The following SGCZ variants were observed in gnomAD, a reference collection of about 807,000 sequenced individuals.
SGCZ encodes zeta-sarcoglycan.
SGCZ carries 40 observed loss-of-function variants against 41.3 expected under a neutral mutation model. The observed-to-expected ratio is 0.97, with a 90% confidence interval of 0.75 to 1.26. SGCZ has a LOEUF of 1.26. Among genes scored for constraint, SGCZ ranks in the 50% most tolerant of loss-of-function variants. The probability of loss-of-function intolerance (pLI) is 0.00; values close to 1 mark genes in which losing one functional copy is unlikely to be tolerated. For missense variants in SGCZ, 552 were observed against 369.8 expected (o/e 1.49, Z -4.04); for synonymous variants, 206 against 137.5 (o/e 1.50, Z -3.49).
At chr8:14,706,322 TTTGACAA>T (rs59805025) in intron 1 of SGCZ, among the ~76,000 whole-genome samples, 5,944 of 152,176 alleles carry the variant, frequency 0.039, 401 homozygotes, top group African/African-American at 0.13. Flanking sequence ...TGGGATTCTT[TTTGACAA>T]TTGTGTTTTA....
At chr8:14,930,328 A>G (rs966769598) in intron 1 of SGCZ, among the ~76,000 whole-genome samples, 2 of 152,188 alleles carry the variant, frequency 1.3e-5, no homozygotes, top group Middle Eastern at 3.4e-3. Flanking sequence ...TTAAAAAGTC[A>G]GGAAACAACA....
At chr8:14,608,780 A>T (rs936100677) in intron 1 of SGCZ, among the ~76,000 whole-genome samples, 4 of 152,126 alleles carry the variant, frequency 2.6e-5, no homozygotes, top group African/African-American at 9.7e-5. Flanking sequence ...ATCACATTTC[A>T]ACGTGAGATT....
intron 2 of SGCZ, among the ~76,000 whole-genome samples, chr8:14,374,070 T>G (rs1216487593): frequency 6.6e-6 from 1 of 152,100 alleles, no homozygotes; most frequent in Non-Finnish European, 1.5e-5. Flanking sequence ...TAGTTTAAAG[T>G]TCTCAAGTAA....
At chr8:15,211,504 C>G (rs893581453) in intron 1 of SGCZ, among the ~76,000 whole-genome samples, 4 of 152,096 alleles carry the variant, frequency 2.6e-5, no homozygotes, top group Non-Finnish European at 4.4e-5. Context: ...TGCTAAAGAC[C>G]TGCCTCCAAT....
intron 1 of SGCZ, among the ~76,000 whole-genome samples, chr8:15,155,895 T>TA: frequency 6.6e-6 from 1 of 151,820 alleles, no homozygotes; most frequent in East Asian, 2.0e-4. Context: ...CTGTCTCTAC[T>TA]AAAATACAAA....
intron 1 of SGCZ, among the ~76,000 whole-genome samples, chr8:15,008,442 A>G (rs1802686245): frequency 6.6e-6 from 1 of 150,880 alleles, no homozygotes. Flanking sequence ...AAGACCTTCA[A>G]ATTTTACTTT....
At chr8:14,223,809 T>C (rs1806283743) in intron 4 of SGCZ, among the ~76,000 whole-genome samples, 1 of 152,168 alleles carries the variant, frequency 6.6e-6, no homozygotes, top group African/African-American at 2.4e-5. Context: ...TAAAGTAGGG[T>C]AACTCTGAAT....
At chr8:15,054,455 C>A (rs976648190) in intron 1 of SGCZ, among the ~76,000 whole-genome samples, 3 of 151,216 alleles carry the variant, frequency 2.0e-5, no homozygotes, top group Non-Finnish European at 4.4e-5. Context: ...GAATTACTAA[C>A]CCCTGGAGTG....
Position 14,760,214 on chromosome 8 carries a change from C to G in SGCZ, c.40-205288G>C, listed in dbSNP as rs549957973. ...GATTCTTTCTAGTTTTACCAAATAG[C>G]CAAAGCCCAATGAAAACAAGGTAAT... On this transcript the variant is annotated intron_variant, in intron 1 of 7. Transcript: ENST00000382080. Among the ~76,000 whole-genome samples, 30 of 152,240 alleles carry G rather than the reference C, an allele frequency of 2.0e-4. No individual in the cohort carries two copies. In the South Asian group the frequency reaches 6.2e-3, roughly 32 times the overall value.
chr8:14,993,890 C>T (rs182846995), intron 1 of SGCZ, among the ~76,000 whole-genome samples: 121 of 152,270 alleles, frequency 7.9e-4, no homozygotes, highest in African/African-American at 2.7e-3. Context: ...AATAAAGCGT[C>T]ATATGACTTT....
intron 1 of SGCZ, among the ~76,000 whole-genome samples, chr8:14,847,736 C>T (rs1319021689): frequency 3.8e-4 from 25 of 65,530 alleles, no homozygotes; most frequent in African/African-American, 1.2e-3. Context: ...GGGAGGGAGG[C>T]GGGAGAGAGG....
chr8:14,408,966 T>TGTGCGCGTGTGC (rs1554513906), intron 2 of SGCZ, among the ~76,000 whole-genome samples: 31 of 136,820 alleles, frequency 2.3e-4, no homozygotes, highest in Non-Finnish European at 3.3e-4. Context: ...TGTGTGTGTG[T>TGTGCGCGTGTGC]GTGTGCATGT....
At chr8:14,180,331 C>G (rs1462771481) in intron 4 of SGCZ, among the ~76,000 whole-genome samples, 1 of 152,136 alleles carries the variant, frequency 6.6e-6, no homozygotes, top group Admixed American at 6.5e-5. Context: ...CCTTCAAGCA[C>G]TGCAGGAAGT....
chr8:14,275,640 C>T (rs1325605053), intron 3 of SGCZ, among the ~76,000 whole-genome samples: 1 of 152,160 alleles, frequency 6.6e-6, no homozygotes, highest in Non-Finnish European at 1.5e-5. Context: ...AGCACTGCAC[C>T]AGCTTACGGA....
chr8:14,435,515 T>G (rs915029515), intron 2 of SGCZ, among the ~76,000 whole-genome samples: 3 of 152,148 alleles, frequency 2.0e-5, no homozygotes, highest in Admixed American at 1.3e-4. Flanking sequence ...ATCATATACT[T>G]ATGTTAAAGT....
At chr8:14,263,923 C>A (rs1799768721) in intron 3 of SGCZ, among the ~76,000 whole-genome samples, 1 of 152,236 alleles carries the variant, frequency 6.6e-6, no homozygotes, top group African/African-American at 2.4e-5. Flanking sequence ...GCCAGGCCTA[C>A]CAGGGTGAAA....
intron 3 of SGCZ, among the ~76,000 whole-genome samples, chr8:14,256,148 T>C (rs971818820): frequency 1.3e-5 from 2 of 152,158 alleles, no homozygotes; most frequent in Non-Finnish European, 2.9e-5. Context: ...ATATGATATA[T>C]AAAATGCTTT....
intron 1 of SGCZ, among the ~76,000 whole-genome samples, chr8:14,979,238 T>A (rs550586260): frequency 1.3e-5 from 2 of 152,324 alleles, no homozygotes; most frequent in Admixed American, 1.3e-4. Flanking sequence ...AAATTTTAAT[T>A]ACTCCTAATT....
chr8:14,828,504 AT>A (rs1436113182), intron 1 of SGCZ, among the ~76,000 whole-genome samples: 6 of 152,184 alleles, frequency 3.9e-5, no homozygotes, highest in South Asian at 2.1e-4. Context: ...TTCGATGGAA[AT>A]TTTAAACAAG....
Sources: gnomAD v4.1 joint callset for allele counts (sites outside exome capture counted in the v4.1 genomes callset) on GRCh38, gnomAD v4.1.1 for gene constraint, MANE v1.5 for transcripts, NCBI Gene and HGNC (gene_info 2026-07-23, HGNC 2026-07-21) for gene names.